The following EPHA6 variants were observed in gnomAD, a reference collection of about 807,000 sequenced individuals.
The protein encoded by EPHA6 is EPH receptor A6.
In EPHA6, 50 loss-of-function variants were observed where a neutral mutation model predicts 112.0. The ratio of observed to expected loss-of-function variants is 0.45; its 90% confidence interval spans 0.36 to 0.56. EPHA6 has a LOEUF of 0.56. Among genes scored for constraint, EPHA6 ranks in the 20% least tolerant of loss-of-function variants. EPHA6 has a pLI of 0.00. For synonymous variants in EPHA6, 529 were observed against 490.7 expected, an observed-to-expected ratio of 1.08 and a Z score of -1.03; for missense variants, 1,280 against 1,417.4, an observed-to-expected ratio of 0.90 and a Z score of 1.56.
At chr3:97,015,465 A>T (rs928665004) in intron 3 of EPHA6, among the ~76,000 whole-genome samples, 4 of 152,130 alleles carry the variant, frequency 2.6e-5, no homozygotes, top group Non-Finnish European at 5.9e-5. Context: ...GTCTGTCTGG[A>T]CTGTCTTTTC....
chr3:96,826,618 CT>C (rs1159433335), intron 1 of EPHA6, among the ~76,000 whole-genome samples: 2 of 151,962 alleles, frequency 1.3e-5, no homozygotes, highest in Admixed American at 6.6e-5. Context: ...TTTTCCATGT[CT>C]TTCTATTAGC....
chr3:97,510,265 C>G (rs1008689705), intron 10 of EPHA6, among the ~76,000 whole-genome samples: 10 of 152,162 alleles, frequency 6.6e-5, no homozygotes, highest in African/African-American at 2.4e-4. Flanking sequence ...GAGGAGAATT[C>G]TCACTCTAGT....
At chr3:96,914,045 T>A (rs2039367048) in intron 2 of EPHA6, among the ~76,000 whole-genome samples, 1 of 152,180 alleles carries the variant, frequency 6.6e-6, no homozygotes. Flanking sequence ...GAATTTCTCT[T>A]ATTACAACTT....
chr3:96,958,651 C>A (rs958894419), intron 2 of EPHA6, among the ~76,000 whole-genome samples: 1 of 152,260 alleles, frequency 6.6e-6, no homozygotes, highest in East Asian at 1.9e-4. Context: ...ATCTCAAGAA[C>A]TAGACAAACG....
In EPHA6 at chr3:97,749,543, T is replaced by C. The variant is rs2035844021; in HGVS notation, c.*842T>C. On this transcript the variant is annotated 3_prime_UTR_variant, in exon 18 of 18. Transcript: ENST00000389672. ...GACTTCATTGATCTAATGGCTTTCA[T>C]AGAGAAAAGCTTGGGATAAATCCAT... Among the ~76,000 whole-genome samples, 1 of 152,130 alleles carries C rather than the reference T, an allele frequency of 6.6e-6. No homozygotes were observed. The highest frequency in any genetic ancestry group is 2.1e-4 in the South Asian group (1 of 4,832).
At chr3:96,990,648 G>A (rs2043180819) in intron 3 of EPHA6, among the ~76,000 whole-genome samples, 1 of 152,116 alleles carries the variant, frequency 6.6e-6, no homozygotes, top group African/African-American at 2.4e-5. Flanking sequence ...AAATGTCAGA[G>A]TGGATGTGGA....
At chr3:97,357,524 T>TCCA (rs2084148121) in intron 5 of EPHA6, among the ~76,000 whole-genome samples, 1 of 152,172 alleles carries the variant, frequency 6.6e-6, no homozygotes, top group South Asian at 2.1e-4. Context: ...GTTGGTCATA[T>TCCA]GTTTTTATCC....
intron 4 of EPHA6, among the ~76,000 whole-genome samples, chr3:97,226,971 A>C (rs953855011): frequency 1.3e-5 from 2 of 152,224 alleles, no homozygotes; most frequent in African/African-American, 4.8e-5. Flanking sequence ...TAGAAGCAGT[A>C]GAATGTTAAA....
At position 97,041,450 on chromosome 3, in the gene EPHA6, G is replaced by T. The variant is rs574413652; in HGVS notation, c.1114+53457G>T. 5.8e-4 allele frequency among the ~76,000 whole-genome samples: 88 copies of T among 152,150 alleles called. No homozygotes were observed. The South Asian group carries it at 7.2e-3, about 13-fold the overall frequency. On this transcript the variant is annotated intron_variant, in intron 3 of 17. Transcript: ENST00000389672. The stretch of plus-strand genomic sequence containing the variant: ...GTAAGGTGAATTGTGTCATTTAGGA[G>T]AATTTTGCCCTGTTATAACTCAGAT...
intron 9 of EPHA6, among the ~76,000 whole-genome samples, chr3:97,480,953 G>C (rs1487426085): frequency 1.3e-5 from 2 of 151,864 alleles, no homozygotes; most frequent in African/African-American, 2.4e-5. Context: ...CTTCCTAGAC[G>C]GGATGGCGGC....
intron 2 of EPHA6, among the ~76,000 whole-genome samples, chr3:96,943,212 T>C (rs1279825953): frequency 2.0e-5 from 3 of 152,100 alleles, no homozygotes; most frequent in African/African-American, 7.2e-5. Flanking sequence ...TATATATATT[T>C]TTTTCTTTAT....
chr3:96,866,920 T>C, intron 2 of EPHA6, 31 bp downstream of exon 2: 2 of 1,306,908 alleles, frequency 1.5e-6, no homozygotes, highest in Non-Finnish European at 2.1e-6. Flanking sequence ...AATTGCTGTC[T>C]TTTTTAGATT....
intron 3 of EPHA6, among the ~76,000 whole-genome samples, chr3:97,033,419 T>A (rs2044955226): frequency 6.6e-6 from 1 of 151,958 alleles, no homozygotes; most frequent in Non-Finnish European, 1.5e-5. Flanking sequence ...GAGTAAAGAA[T>A]GAAGTAACAC....
chr3:97,579,510 G>A (rs1354919358), intron 11 of EPHA6, among the ~76,000 whole-genome samples: 1 of 152,066 alleles, frequency 6.6e-6, no homozygotes, highest in Non-Finnish European at 1.5e-5. Flanking sequence ...AATGTGCCTC[G>A]CATGGGTGAA....
intron 3 of EPHA6, among the ~76,000 whole-genome samples, chr3:96,994,931 T>C (rs1207047864): frequency 6.6e-6 from 1 of 151,768 alleles, no homozygotes; most frequent in African/African-American, 2.4e-5. Context: ...AAAATTAAAA[T>C]TGTGAAACAC....
chr3:97,453,445 C>T (rs2107343765), intron 7 of EPHA6, among the ~76,000 whole-genome samples: 1 of 151,752 alleles, frequency 6.6e-6, no homozygotes, highest in African/African-American at 2.4e-5. Context: ...AAGTTTTCAC[C>T]TGTAGGCTGC....
chr3:97,719,423 T>C (rs1427181861), intron 14 of EPHA6, among the ~76,000 whole-genome samples: 2 of 152,136 alleles, frequency 1.3e-5, no homozygotes, highest in Non-Finnish European at 2.9e-5. Context: ...CTTTCGTCCC[T>C]TCAACTCGCA....
intron 3 of EPHA6, among the ~76,000 whole-genome samples, chr3:97,219,493 A>G (rs940422194): frequency 3.3e-5 from 5 of 152,310 alleles, no homozygotes; most frequent in African/African-American, 1.2e-4. Context: ...GAAGCTGCCA[A>G]CGCTTGGGGA....
At chr3:97,186,450 G>A (rs999151234) in intron 3 of EPHA6, among the ~76,000 whole-genome samples, 1 of 152,050 alleles carries the variant, frequency 6.6e-6, no homozygotes, top group African/African-American at 2.4e-5. Flanking sequence ...GTTGAGATAT[G>A]CCCCTCTCTC....
Sources: allele counts gnomAD v4.1 joint callset (sites outside exome capture counted in the v4.1 genomes callset), GRCh38; gene constraint gnomAD v4.1.1; transcripts MANE v1.5; gene names NCBI Gene and HGNC (gene_info 2026-07-23, HGNC 2026-07-21).